The following TOP6BL variants were observed in gnomAD, a reference collection of about 807,000 sequenced individuals.
The protein encoded by TOP6BL is TOP6B like initiator of meiotic double strand breaks, also known as type 2 DNA topoisomerase 6 subunit B-like.
the TOP6BL span, among the ~76,000 whole-genome samples, chr11:66,842,061 G>A: frequency 6.6e-6 from 1 of 152,064 alleles, no homozygotes; most frequent in Non-Finnish European, 1.5e-5. Flanking sequence ...AGCCGGTGTG[G>A]TGGCATGCGC....
At chr11:66,809,596 A>G in the TOP6BL span, among the ~76,000 whole-genome samples, 1 of 152,218 alleles carries the variant, frequency 6.6e-6, no homozygotes, top group African/African-American at 2.4e-5. Context: ...TAATATTGGT[A>G]TTTTATATTG....
chr11:66,787,247 T>C, the TOP6BL span, among the ~76,000 whole-genome samples: 1 of 152,194 alleles, frequency 6.6e-6, no homozygotes, highest in Admixed American at 6.5e-5. Context: ...AGCTAGGATT[T>C]GATCTTGGGA....
At chr11:66,822,975 G>A in the TOP6BL span, among the ~76,000 whole-genome samples, 1 of 150,530 alleles carries the variant, frequency 6.6e-6, no homozygotes, top group Non-Finnish European at 1.5e-5. Context: ...CTCCAGCCTG[G>A]GCAACAGACT....
chr11:66,841,729 G>A, the TOP6BL span, among the ~76,000 whole-genome samples: 1 of 152,206 alleles, frequency 6.6e-6, no homozygotes, highest in Non-Finnish European at 1.5e-5. Context: ...ATGAGGCCGG[G>A]AGTTCAAAGC....
the TOP6BL span, chr11:66,744,777 G>C: frequency 8.9e-6 from 11 of 1,231,784 alleles, no homozygotes; most frequent in African/African-American, 3.1e-5. Context: ...GCGTGGACTC[G>C]GGCGTGGGCA....
At chr11:66,793,621 T>G in the TOP6BL span, among the ~76,000 whole-genome samples, 1 of 151,488 alleles carries the variant, frequency 6.6e-6, no homozygotes, top group Non-Finnish European at 1.5e-5. Flanking sequence ...ATTTTTGTAT[T>G]TTTAGTAGAG....
the TOP6BL span, among the ~76,000 whole-genome samples, chr11:66,805,708 G>A: frequency 5.3e-5 from 8 of 152,038 alleles, no homozygotes; most frequent in African/African-American, 1.9e-4. Context: ...ACCAGGCTCG[G>A]CCTCCCAAAG....
chr11:66,840,551 C>T, the TOP6BL span, among the ~76,000 whole-genome samples: 1 of 152,182 alleles, frequency 6.6e-6, no homozygotes, highest in Non-Finnish European at 1.5e-5. Flanking sequence ...ACTTCCTCCA[C>T]TTATCCTCAA....
At chr11:66,823,640 T>G in the TOP6BL span, among the ~76,000 whole-genome samples, 1 of 151,886 alleles carries the variant, frequency 6.6e-6, no homozygotes, top group Non-Finnish European at 1.5e-5. Flanking sequence ...ACCAACATGG[T>G]GAAACCCCGT....
chr11:66,759,379 T>C, the TOP6BL span, among the ~76,000 whole-genome samples: 8 of 152,246 alleles, frequency 5.3e-5, no homozygotes, highest in South Asian at 2.1e-4. Flanking sequence ...GTAGCTTTTC[T>C]GTATACTCTG....
chr11:66,753,705 C>T, the TOP6BL span, among the ~76,000 whole-genome samples: 1 of 151,350 alleles, frequency 6.6e-6, no homozygotes, highest in African/African-American at 2.4e-5. Context: ...CGCGCCCGGC[C>T]ATGTTTTTAT....
At chr11:66,796,489 G>GT in the TOP6BL span, 1 of 759,636 alleles carries the variant, frequency 1.3e-6, no homozygotes, top group South Asian at 2.2e-5. Flanking sequence ...TGATTAAAAC[G>GT]TTTAATATTT....
the TOP6BL span, among the ~76,000 whole-genome samples, chr11:66,765,432 A>T: frequency 6.6e-6 from 1 of 152,244 alleles, no homozygotes; most frequent in Admixed American, 6.5e-5. Flanking sequence ...CACATTTAGT[A>T]GCCAACTGTA....
At chr11:66,838,283 G>A in the TOP6BL span, 2 of 1,227,392 alleles carry the variant, frequency 1.6e-6, no homozygotes, top group Non-Finnish European at 2.4e-6. Flanking sequence ...TGTGAGGTCA[G>A]TGAAGCCACC....
At chr11:66,830,190 TAA>T in the TOP6BL span, among the ~76,000 whole-genome samples, 3 of 152,194 alleles carry the variant, frequency 2.0e-5, no homozygotes, top group Non-Finnish European at 4.4e-5. Flanking sequence ...TTAAAAGATC[TAA>T]GTCATAAAAG....
chr11:66,833,690 G>A, the TOP6BL span, among the ~76,000 whole-genome samples: 1 of 152,110 alleles, frequency 6.6e-6, no homozygotes, highest in Non-Finnish European at 1.5e-5. Flanking sequence ...GCTCACTCCT[G>A]TAATCTCAGC....
chr11:66,828,193 ACTTT>A, the TOP6BL span: 1 of 1,041,080 alleles, frequency 9.6e-7, no homozygotes, highest in Non-Finnish European at 1.5e-6. Context: ...CCCTGTATAA[ACTTT>A]CTGTGAGAAC....
chr11:66,838,549 C>T, the TOP6BL span: 28 of 1,031,624 alleles, frequency 2.7e-5, no homozygotes, highest in Middle Eastern at 4.2e-4. Context: ...ACTACAGCGG[C>T]GTCCTTCTGC....
At chr11:66,818,799 A>G in the TOP6BL span, among the ~76,000 whole-genome samples, 2 of 152,120 alleles carry the variant, frequency 1.3e-5, no homozygotes, top group African/African-American at 4.8e-5. Flanking sequence ...GCCTGATAAC[A>G]TGTTCTGAGC....
Sources: gnomAD v4.1 joint callset for allele counts (sites outside exome capture counted in the v4.1 genomes callset) on GRCh38, gnomAD v4.1.1 for gene constraint, MANE v1.5 for transcripts, NCBI Gene and HGNC (gene_info 2026-07-23, HGNC 2026-07-21) for gene names.